Variants in AKAP8 observed in about 807,000 individuals in gnomAD.
AKAP8 encodes the protein A-kinase anchor protein 8.
AKAP8 carries 24 observed loss-of-function variants against 67.5 expected under a neutral mutation model. That is an observed-to-expected ratio of 0.36 (90% CI 0.26 to 0.50). AKAP8 has a LOEUF of 0.50. AKAP8 is among the 20% of genes least tolerant of loss of function. AKAP8 has a pLI of 0.97. For missense variants in AKAP8, 971 were observed against 955.9 expected, an observed-to-expected ratio of 1.02 and a Z score of -0.21; for synonymous variants, 400 against 371.1, an observed-to-expected ratio of 1.08 and a Z score of -0.90.
At position 15,355,169 on chromosome 19, in the gene AKAP8, G is replaced by A. The variant is rs376050255; in HGVS notation, c.1825C>T (p.Pro609Ser). Residue 609 changes from proline to serine, a missense_variant, in exon 14 of 14, where the codon CCC (proline) becomes TCC (serine). By Grantham distance (74) the Pro-to-Ser change is moderately conservative (BLOSUM62 -1). Transcript: ENST00000269701. ...CTACCGGCCTCCGCTGTGTCCGTGG[G>A]GCCTTCGTCCTCAGCCGGCTCCCCG... Reference protein sequence around the residue: ...SSGEPAEDEGPTDTAEAGSDP... With the variant: ...SSGEPAEDEGSTDTAEAGSDP... The A allele has an allele frequency of 3.6e-5, 58 of 1,612,456 alleles. No individual in the cohort carries two copies. In the African/African-American group the frequency reaches 6.8e-4, roughly 19 times the overall value.
At chr19:15,368,457 A>G (rs1967104248) in intron 8 of AKAP8, 135 bp from the exon 9 acceptor site, 2 of 1,552,844 alleles carry the variant, frequency 1.3e-6, no homozygotes, top group Non-Finnish European at 1.7e-6. Context: ...GGCAGGGTCC[A>G]GGATGCCCCA....
intron 9 of AKAP8, among the ~76,000 whole-genome samples, chr19:15,364,738 C>T (rs974760020): frequency 6.6e-6 from 1 of 152,142 alleles, no homozygotes; most frequent in Non-Finnish European, 1.5e-5. Flanking sequence ...ATCCACCTGC[C>T]TTAGCCTCCC....
chr19:15,372,156 G>T (rs568948754), intron 6 of AKAP8, 62 bp downstream of exon 6: 1 of 1,608,890 alleles, frequency 6.2e-7, no homozygotes, highest in Non-Finnish European at 8.5e-7. Flanking sequence ...GGCAAGCAGA[G>T]CCCCCAGCAG....
chr19:15,354,870 C>A lies in AKAP8; in HGVS notation c.*45G>T, dbSNP rs779601230. 4.4e-6 allele frequency: 7 copies of A among 1,596,134 alleles called. No individual in the cohort carries two copies. Among genetic ancestry groups the A allele is most frequent in the Non-Finnish European group, 6.0e-6 (7 of 1,169,004 alleles). ...TTACAAACCAAGGGAGAAAGACCAACGCATCCATCATCCCAACGCCTTCCC... is the reference window on the plus strand; with the variant it reads ...TTACAAACCAAGGGAGAAAGACCAAAGCATCCATCATCCCAACGCCTTCCC... On this transcript the variant is annotated 3_prime_UTR_variant, in exon 14 of 14. Transcript: ENST00000269701.
At chr19:15,373,643 G>GTT (rs1967201242) in intron 4 of AKAP8, 143 bp downstream of exon 4, 9 of 1,093,278 alleles carry the variant, frequency 8.2e-6, no homozygotes, top group Non-Finnish European at 1.1e-5. Context: ...TAACATCACT[G>GTT]ACCCCCCACG....
intron 2 of AKAP8, among the ~76,000 whole-genome samples, chr19:15,375,884 C>T (rs1319774800): frequency 2.6e-5 from 4 of 151,644 alleles, no homozygotes; most frequent in East Asian, 3.9e-4. Flanking sequence ...GTGATCTGCC[C>T]GCCTCGGCCT....
At chr19:15,361,526 A>G (rs923539855) in intron 11 of AKAP8, 11 of 468,214 alleles carry the variant, frequency 2.3e-5, no homozygotes, top group Non-Finnish European at 4.3e-5. Context: ...AATTTTTTGT[A>G]TTTTTTTAGT....
intron 5 of AKAP8, 146 bp downstream of exon 5, chr19:15,372,705 T>C (rs1041855583): frequency 8.2e-7 from 1 of 1,217,262 alleles, no homozygotes; most frequent in Non-Finnish European, 1.1e-6. Flanking sequence ...ATGGTGGGGA[T>C]GGTTGCACAA....
Position 15,372,364 on chromosome 19 carries a change from C to T in AKAP8, c.862-17G>A. 1 of 1,613,942 alleles carries T rather than the reference C, an allele frequency of 6.2e-7. No homozygotes were observed. The highest frequency in any genetic ancestry group is 8.5e-7 in the Non-Finnish European group (1 of 1,179,840). Reference sequence around the variant, plus strand: ...CCTCTTGGGCTACAGACAACAAGCACACCCCATGAGCTACTTACGAGGGCC... The same window carrying T: ...CCTCTTGGGCTACAGACAACAAGCATACCCCATGAGCTACTTACGAGGGCC... On this transcript the variant is annotated splice_polypyrimidine_tract_variant and intron_variant, in intron 5 of 13. Coordinates refer to ENST00000269701, the MANE Select transcript of AKAP8 (RefSeq NM_005858.4).
In AKAP8 at chr19:15,372,316, G is replaced by T. The variant is rs199931184; in HGVS notation, c.893C>A (p.Pro298Gln). 71 of 1,614,148 alleles carry T rather than the reference G, an allele frequency of 4.4e-5. No homozygotes were observed. In the East Asian group the frequency reaches 1.5e-3, roughly 34 times the overall value. Residue 298 changes from proline to glutamine, a missense_variant, in exon 6 of 14, where the codon CCA becomes CAA. Coordinates refer to ENST00000269701, the MANE Select transcript of AKAP8 (RefSeq NM_005858.4). ...CTTCCGTTTCCTGCCCGTGCCATCTGGTCCGAAGCGGTCAAACCCTCTCCT... is the reference window on the plus strand; with the variant it reads ...CTTCCGTTTCCTGCCCGTGCCATCTTGTCCGAAGCGGTCAAACCCTCTCCT... Reference protein sequence around the residue: ...PKRRGFDRFGPDGTGRKRKQF... With the variant: ...PKRRGFDRFGQDGTGRKRKQF...
At chr19:15,367,740 G>C (rs1006913301) in intron 9 of AKAP8, among the ~76,000 whole-genome samples, 1 of 152,208 alleles carries the variant, frequency 6.6e-6, no homozygotes, top group African/African-American at 2.4e-5. Context: ...AATCTTGATG[G>C]TAGGATCATC....
At chr19:15,377,280 C>T (rs1967269518) in intron 1 of AKAP8, among the ~76,000 whole-genome samples, 1 of 152,092 alleles carries the variant, frequency 6.6e-6, no homozygotes, top group Non-Finnish European at 1.5e-5. Context: ...TGGCCAAGGA[C>T]CTCACCTCTC....
chr19:15,376,875 C>T (rs1335509659), intron 2 of AKAP8, 101 bp downstream of exon 2: 8 of 1,396,028 alleles, frequency 5.7e-6, no homozygotes, highest in Non-Finnish European at 7.9e-6. Context: ...TTTGCTGACC[C>T]CTGGGCTACT....
chr19:15,378,440 G>C (rs1010410997), intron 1 of AKAP8, among the ~76,000 whole-genome samples: 3 of 151,580 alleles, frequency 2.0e-5, no homozygotes, highest in African/African-American at 7.3e-5. Flanking sequence ...AGGAAGAGGG[G>C]GTAAAAAAAA....
intron 7 of AKAP8, among the ~76,000 whole-genome samples, 151 bp downstream of exon 7, chr19:15,371,799 CTT>C (rs954313288): frequency 1.3e-5 from 2 of 152,108 alleles, no homozygotes; most frequent in Non-Finnish European, 2.9e-5. Context: ...AGGTGGAAAA[CTT>C]TTAGAAATCT....
Position 15,373,766 on chromosome 19 carries a change from G to A in AKAP8, c.371+20C>T, listed in dbSNP as rs751610998. On this transcript the variant is annotated intron_variant, in intron 4 of 13. Coordinates refer to ENST00000269701, the MANE Select transcript of AKAP8 (RefSeq NM_005858.4). ...TGGGGATGTGTGGGGTCCCGGGGGA[G>A]GGCTTGGGTCCATAATCACCTCTCC... 8 of 1,596,100 alleles carry A rather than the reference G, an allele frequency of 5.0e-6. No homozygotes were observed. The African/African-American group carries it at 5.4e-5, about 11-fold the overall frequency.
chr19:15,361,410 GTGCAATCTTGGCTCAC>G lies in AKAP8; in HGVS notation c.1396+303_1396+318del, dbSNP rs370437323. The G allele has an allele frequency of 4.5e-5, 12 of 268,498 alleles. No individual in the cohort carries two copies. In the East Asian group the frequency reaches 6.1e-4, roughly 14 times the overall value. The allele number at this position is 268,498 out of a possible 1,614,324, so 16.6% of individuals were successfully genotyped here. On this transcript the variant is annotated intron_variant, in intron 11 of 13. Coordinates refer to ENST00000269701, the MANE Select transcript of AKAP8 (RefSeq NM_005858.4). ...CTGTCGCCTAGGCTGGAGTGCAGTG[GTGCAATCTTGGCTCAC>G]TGCAAGCTCTGACTCCCAGGTTGAC...
chr19:15,370,254 C>A, intron 7 of AKAP8, 75 bp from the exon 8 acceptor site: 1 of 1,563,452 alleles, frequency 6.4e-7, no homozygotes, highest in Non-Finnish European at 8.8e-7. Flanking sequence ...CAGTCCCTGG[C>A]CACTGCCTGG....
intron 9 of AKAP8, among the ~76,000 whole-genome samples, chr19:15,367,697 A>G (rs181289718): frequency 3.0e-4 from 46 of 152,348 alleles, no homozygotes; most frequent in Admixed American, 2.1e-3. Context: ...TTTGGGCTCA[A>G]CATTTTTGCA....
Sources: gnomAD v4.1 joint callset for allele counts (sites outside exome capture counted in the v4.1 genomes callset) on GRCh38, gnomAD v4.1.1 for gene constraint, MANE v1.5 for transcripts, NCBI Gene and HGNC (gene_info 2026-07-23, HGNC 2026-07-21) for gene names.